Variants in NEK1 observed in about 807,000 individuals in gnomAD.
NEK1 encodes the protein serine/threonine-protein kinase Nek1.
NEK1 carries 137 observed loss-of-function variants against 182.1 expected under a neutral mutation model. The observed-to-expected ratio is 0.75, with a 90% confidence interval of 0.65 to 0.87. The LOEUF (loss-of-function observed/expected upper bound fraction) is 0.87. NEK1 is among the 40% of genes least tolerant of loss of function. The pLI is 0.00. For synonymous variants in NEK1, 513 were observed against 492.2 expected (o/e 1.04, Z -0.56); for missense variants, 1,391 against 1,494.4 (o/e 0.93, Z 1.14).
intron 10 of NEK1, among the ~76,000 whole-genome samples, chr4:169,582,393 TGTG>T (rs1766800893): frequency 6.6e-6 from 1 of 152,140 alleles, no homozygotes; most frequent in Non-Finnish European, 1.5e-5. Flanking sequence ...CCGAGACTGT[TGTG>T]GTGAGACTCA....
intron 23 of NEK1, among the ~76,000 whole-genome samples, chr4:169,483,856 ACT>A (rs371556922): frequency 3.4e-3 from 352 of 102,434 alleles, no homozygotes; most frequent in African/African-American, 0.016. Flanking sequence ...ACAGAGTGAG[ACT>A]CTGTCTCAAA....
intron 19 of NEK1, among the ~76,000 whole-genome samples, chr4:169,532,791 T>A (rs1426315087): frequency 5.6e-4 from 3 of 5,404 alleles, no homozygotes; most frequent in Non-Finnish European, 8.5e-4. Flanking sequence ...AAAAAAAATA[T>A]GAAAAAAAAA....
intron 31 of NEK1, among the ~76,000 whole-genome samples, chr4:169,422,098 T>A (rs576143812): frequency 1.3e-5 from 2 of 152,216 alleles, no homozygotes; most frequent in South Asian, 4.1e-4. Flanking sequence ...TCTGAAAAGC[T>A]AAGAAAGGTG....
At chr4:169,445,426 A>T (rs78999601) in intron 27 of NEK1, among the ~76,000 whole-genome samples, 4 of 151,962 alleles carry the variant, frequency 2.6e-5, no homozygotes, top group Admixed American at 1.3e-4. Flanking sequence ...CCCTGTTTAT[A>T]AAAAAAAGAG....
intron 12 of NEK1, among the ~76,000 whole-genome samples, chr4:169,570,620 G>A (rs548995215): frequency 1.5e-4 from 23 of 151,536 alleles, no homozygotes; most frequent in Non-Finnish European, 2.8e-4. Flanking sequence ...CTGCCCGGCC[G>A]CCCCTGCTAG....
At chr4:169,561,778 C>A (rs1374508034) in intron 14 of NEK1, 41 bp from the exon 15 acceptor site, 1 of 1,598,698 alleles carries the variant, frequency 6.3e-7, no homozygotes, top group South Asian at 1.1e-5. Flanking sequence ...AACTCTTGAA[C>A]CTATTATCAC....
In NEK1 at chr4:169,393,602, A is replaced by C. The variant is rs1730253503; in HGVS notation, c.*908T>G. Reference sequence around the variant, plus strand: ...ACTAAATCCTCTCATAACAGAAAGAAGTTCAACAGGCAAACATTTCCCTCC... The same window carrying C: ...ACTAAATCCTCTCATAACAGAAAGACGTTCAACAGGCAAACATTTCCCTCC... On this transcript the variant is annotated 3_prime_UTR_variant, in exon 36 of 36. Coordinates refer to ENST00000507142, the MANE Select transcript of NEK1 (RefSeq NM_001199397.3). 1 of 152,232 alleles carries C rather than the reference A, an allele frequency of 6.6e-6. No individual in the cohort carries two copies. The highest frequency in any genetic ancestry group is 2.4e-5 in the African/African-American group (1 of 41,458). 9.4% of individuals were successfully genotyped at this position (152,232 alleles called of 1,614,324 possible). A position where few individuals can be genotyped will look rare whatever the true frequency, so the allele number is the denominator to read the frequency against.
intron 27 of NEK1, among the ~76,000 whole-genome samples, chr4:169,449,376 G>A (rs542865661): frequency 3.3e-4 from 50 of 152,206 alleles, no homozygotes; most frequent in Non-Finnish European, 5.4e-4. Context: ...TGACCCCCAC[G>A]CAGCCTAACT....
At chr4:169,570,410 G>C (rs1764559102) in intron 12 of NEK1, among the ~76,000 whole-genome samples, 1 of 151,660 alleles carries the variant, frequency 6.6e-6, no homozygotes, top group African/African-American at 2.4e-5. Flanking sequence ...GGGAGGTTGG[G>C]GGGTCAGCCC....
intron 31 of NEK1, among the ~76,000 whole-genome samples, chr4:169,421,374 G>A (rs961012300): frequency 1.3e-5 from 2 of 152,072 alleles, no homozygotes; most frequent in Admixed American, 1.3e-4. Context: ...AATAAAAACT[G>A]ACATAACTGA....
Position 169,477,511 on chromosome 4 carries a change from T to C in NEK1, c.2140-14A>G, listed in dbSNP as rs775248564. On this transcript the variant is annotated splice_polypyrimidine_tract_variant and intron_variant, in intron 24 of 35. Transcript: ENST00000507142. ...TAAACTACTGTCCTTTAAATGCAGA[T>C]AGATACAGAGGAAGAGATAATTTTA... is the stretch of plus-strand genomic sequence containing the variant. The C allele has an allele frequency of 2.9e-5, 46 of 1,576,776 alleles. No individual in the cohort carries two copies. The Admixed American group carries it at 4.2e-4, about 15-fold the overall frequency.
intron 10 of NEK1, 146 bp downstream of exon 10, chr4:169,585,203 C>T (rs1174577846): frequency 8.5e-6 from 5 of 588,858 alleles, no homozygotes; most frequent in Non-Finnish European, 1.2e-5. Flanking sequence ...AAAAGAAAGA[C>T]CATGGAAAGG....
intron 23 of NEK1, among the ~76,000 whole-genome samples, chr4:169,494,687 T>C (rs1341615656): frequency 1.3e-5 from 2 of 152,228 alleles, no homozygotes; most frequent in African/African-American, 2.4e-5. Context: ...ACTTCCACAA[T>C]GGTTGAACTA....
At position 169,589,508 on chromosome 4, in the gene NEK1, A is replaced by C; in HGVS notation, c.403T>G (p.Phe135Val). The C allele has an allele frequency of 6.7e-7, 1 of 1,494,986 alleles. No individual in the cohort carries two copies. The highest frequency in any genetic ancestry group is 9.1e-7 in the Non-Finnish European group (1 of 1,103,292). The allele number at this position is 1,494,986 out of a possible 1,614,324, so 92.6% of individuals were successfully genotyped here. Residue 135 changes from phenylalanine to valine, a missense_variant, in exon 7 of 36, where the codon TTT (phenylalanine) becomes GTT (valine). Physicochemically the swap from Phe to Val is conservative, Grantham distance 50 (BLOSUM62 -1). Transcript: ENST00000507142. ...TGTACTGTTCCATCTTTAGTTAAAA[A>C]TATGTTCTGTAAAAGACAGGAAAAA... Reference protein sequence around the residue: ...LHRDIKSQNIFLTKDGTVQLG... With the variant: ...LHRDIKSQNIVLTKDGTVQLG...
chr4:169,411,196 G>A (rs1733609792), intron 31 of NEK1, among the ~76,000 whole-genome samples: 1 of 151,928 alleles, frequency 6.6e-6, no homozygotes, highest in Non-Finnish European at 1.5e-5. Context: ...AAAATATTGA[G>A]AGGCATGATT....
At chr4:169,589,800 C>G (rs535825648) in intron 6 of NEK1, among the ~76,000 whole-genome samples, 1 of 151,870 alleles carries the variant, frequency 6.6e-6, no homozygotes, top group Non-Finnish European at 1.5e-5. Context: ...TTAGATATGA[C>G]GTCAAAAGCA....
chr4:169,479,451 C>T lies in NEK1; in HGVS notation c.2091G>A (p.Gln697=). The change falls in exon 24 of 36, where the codon CAG becomes CAA. Residue 697 remains glutamine, a synonymous_variant. Transcript: ENST00000507142. ...AAGTTACAGAAATAACAGATCTCAT[C>T]TGTTGCTTTGATGGAGAGCCACCTG... is the stretch of plus-strand genomic sequence containing the variant. ...HETGGSPSKQ[Q]MRSVISVTSA... is the part of the protein sequence containing the mutation. 6 of 1,612,452 alleles carry T rather than the reference C, an allele frequency of 3.7e-6. No individual in the cohort carries two copies. The highest frequency in any genetic ancestry group is 3.4e-6 in the Non-Finnish European group (4 of 1,179,234).
intron 12 of NEK1, among the ~76,000 whole-genome samples, chr4:169,571,773 G>C (rs1764892702): frequency 6.6e-6 from 1 of 152,094 alleles, no homozygotes; most frequent in Non-Finnish European, 1.5e-5. Flanking sequence ...TCTGTCTCCA[G>C]GCTGGAGGGC....
chr4:169,563,869 G>T (rs971313237), intron 12 of NEK1, among the ~76,000 whole-genome samples: 2 of 152,170 alleles, frequency 1.3e-5, no homozygotes, highest in African/African-American at 4.8e-5. Context: ...ATCTGCTAAT[G>T]CAGTAAAATT....
Sources: allele counts gnomAD v4.1 joint callset (sites outside exome capture counted in the v4.1 genomes callset), GRCh38; gene constraint gnomAD v4.1.1; transcripts MANE v1.5; gene names NCBI Gene and HGNC (gene_info 2026-07-23, HGNC 2026-07-21).